AGBL1: variants seen among roughly 807,000 people sequenced by gnomAD.
The protein encoded by AGBL1 is cytosolic carboxypeptidase 4.
Under a neutral mutation model 118.9 loss-of-function variants are expected in AGBL1, and 130 were observed. The observed-to-expected ratio is 1.09, with a 90% CI of 0.95 to 1.26. AGBL1 has a LOEUF of 1.26. Among genes scored for constraint, AGBL1 ranks in the 50% most tolerant of loss-of-function variants. AGBL1 has a pLI of 0.00. For missense variants in AGBL1, 1,584 were observed against 1,298.1 expected, an observed-to-expected ratio of 1.22 and a Z score of -3.38; for synonymous variants, 555 against 478.9, an observed-to-expected ratio of 1.16 and a Z score of -2.08.
rs374500486 is a variant in AGBL1, at chr15:86,356,268, C to T, written c.2375-41098C>T. ...GGCTTAGAGTTAACCCAGAGAAAGGCCTAAGACTTTATTGTAAGTAGAATA... is the reference window on the plus strand; with the variant it reads ...GGCTTAGAGTTAACCCAGAGAAAGGTCTAAGACTTTATTGTAAGTAGAATA... On this transcript the variant is annotated intron_variant, in intron 17 of 22. Transcript: ENST00000614907. Among the ~76,000 whole-genome samples the T allele has an allele frequency of 1.7e-4, 26 of 151,848 alleles. No homozygotes were observed. The South Asian group carries it at 4.6e-3, about 27-fold the overall frequency.
At chr15:86,919,848 G>C (rs978868038), downstream of AGBL1, among the ~76,000 whole-genome samples, 1 of 152,204 alleles carries the variant, frequency 6.6e-6, no homozygotes, top group Admixed American at 6.5e-5. Context: ...AGCACTCACA[G>C]TGTCTGGAGT....
At chr15:86,646,805 CAT>C (rs752849344) in intron 21 of AGBL1, among the ~76,000 whole-genome samples, 1 of 152,156 alleles carries the variant, frequency 6.6e-6, no homozygotes, top group Non-Finnish European at 1.5e-5. Flanking sequence ...TCTGCCTTCA[CAT>C]GTGTTTGATA....
chr15:86,830,828 T>C (rs2079095038), intron 22 of AGBL1, among the ~76,000 whole-genome samples: 1 of 152,054 alleles, frequency 6.6e-6, no homozygotes, highest in Non-Finnish European at 1.5e-5. Context: ...CCACTAAGAG[T>C]ACTTATAAAA....
At chr15:86,858,504 G>A (rs2079517665) in intron 22 of AGBL1, among the ~76,000 whole-genome samples, 1 of 151,156 alleles carries the variant, frequency 6.6e-6, no homozygotes, top group South Asian at 2.1e-4. Context: ...GTGTAAGGGA[G>A]CAGGAGACTG....
intron 19 of AGBL1, among the ~76,000 whole-genome samples, chr15:86,532,796 A>G (rs1227263621): frequency 1.7e-5 from 2 of 117,728 alleles, no homozygotes; most frequent in Non-Finnish European, 3.5e-5. Flanking sequence ...GAGCCCTCAG[A>G]AATAACGCCG....
At chr15:86,534,112 T>TAAAAAAAAA (rs61563504) in intron 19 of AGBL1, among the ~76,000 whole-genome samples, 1 of 96,520 alleles carries the variant, frequency 1.0e-5, no homozygotes, top group Non-Finnish European at 2.1e-5. Context: ...TAAAGTATAA[T>TAAAAAAAAA]AAAAAAAAAA....
intron 18 of AGBL1, among the ~76,000 whole-genome samples, chr15:86,503,540 G>T (rs2082940383): frequency 6.6e-6 from 1 of 150,576 alleles, no homozygotes; most frequent in African/African-American, 2.4e-5. Flanking sequence ...TGATTGTTAT[G>T]TTTTAAAATA....
chr15:86,945,672 C>CA (rs1244585989), intron 23 of AGBL1, among the ~76,000 whole-genome samples: 2 of 152,038 alleles, frequency 1.3e-5, no homozygotes, highest in Non-Finnish European at 2.9e-5. Context: ...GACCCCATCT[C>CA]AAAAAAGAAA....
intron 18 of AGBL1, among the ~76,000 whole-genome samples, chr15:86,414,664 G>A (rs1216262043): frequency 6.6e-6 from 1 of 152,114 alleles, no homozygotes; most frequent in Non-Finnish European, 1.5e-5. Flanking sequence ...TCTCCAAGAT[G>A]GGAAAAAATA....
chr15:86,499,969 G>A lies in AGBL1; in HGVS notation c.2556-22841G>A, dbSNP rs139478412. ...GGAAGTCACCTGTGAATACCTAGCA[G>A]CTTTACAGGTGTGACTCTCTTGGTT... On this transcript the variant is annotated intron_variant, in intron 18 of 22. Transcript: ENST00000614907. Among the ~76,000 whole-genome samples, 336 of 151,932 alleles carry A rather than the reference G, an allele frequency of 2.2e-3. 5 individuals are homozygous for A. Among genetic ancestry groups the A allele is most frequent in the African/African-American group, 7.7e-3 (319 of 41,522 alleles).
chr15:86,380,247 C>CCTG (rs879779744), intron 17 of AGBL1, among the ~76,000 whole-genome samples: 31,968 of 100,866 alleles, frequency 0.32, 4,199 homozygotes, highest in East Asian at 0.7. Context: ...CTGCCTGCCT[C>CCTG]CCTCCCTCCC....
chr15:86,682,416 A>G (rs1466419245), intron 22 of AGBL1, among the ~76,000 whole-genome samples: 1 of 152,222 alleles, frequency 6.6e-6, no homozygotes, highest in Non-Finnish European at 1.5e-5. Flanking sequence ...TTCTTCTATA[A>G]TAGATAAATT....
At chr15:86,858,171 C>T (rs936524818) in intron 22 of AGBL1, among the ~76,000 whole-genome samples, 5 of 152,050 alleles carry the variant, frequency 3.3e-5, no homozygotes, top group Non-Finnish European at 7.4e-5. Context: ...TGGAGGGGGA[C>T]ATGTTCAGTG....
chr15:86,809,815 C>T (rs923428742), intron 22 of AGBL1, among the ~76,000 whole-genome samples: 1 of 152,094 alleles, frequency 6.6e-6, no homozygotes, highest in East Asian at 1.9e-4. Flanking sequence ...TTCAGGCCAT[C>T]CAGGAAAGAT....
chr15:86,154,088 A>G (rs2141688965), intron 3 of AGBL1, among the ~76,000 whole-genome samples: 1 of 152,310 alleles, frequency 6.6e-6, no homozygotes, highest in East Asian at 1.9e-4. Flanking sequence ...AATTATATTA[A>G]TATTAAGAAT....
chr15:86,098,565 A>G lies in AGBL1; in HGVS notation c.51+18542A>G, dbSNP rs142289401. ...GCTTTCCCACCACCATTTGTTGAAA[A>G]GGATGTCCTTTCCCCAGTGTATGTT... On this transcript the variant is annotated intron_variant, in intron 1 of 22. Coordinates refer to ENST00000614907, the MANE Select transcript of AGBL1 (RefSeq NM_001386094.1). 2.9e-3 allele frequency among the ~76,000 whole-genome samples: 441 copies of G among 152,258 alleles called. 1 individual carries two copies. Among genetic ancestry groups the G allele is most frequent in the African/African-American group, 0.01 (422 of 41,552 alleles).
chr15:86,451,367 G>A (rs4887233), intron 18 of AGBL1, among the ~76,000 whole-genome samples: 100,506 of 152,142 alleles, frequency 0.66, 34,940 homozygotes, highest in East Asian at 0.87. Context: ...CTTGTTCTTT[G>A]CATTCTTATA....
chr15:86,534,501 G>T (rs2083396610), intron 19 of AGBL1, among the ~76,000 whole-genome samples: 1 of 152,182 alleles, frequency 6.6e-6, no homozygotes, highest in Non-Finnish European at 1.5e-5. Context: ...CAAAGGAAAA[G>T]AAGCTTCTCA....
chr15:86,483,989 G>A (rs558577846), intron 18 of AGBL1, among the ~76,000 whole-genome samples: 1 of 152,214 alleles, frequency 6.6e-6, no homozygotes, highest in African/African-American at 2.4e-5. Context: ...GTTCAAGTTT[G>A]AAGGACATTT....
Sources: gnomAD v4.1 joint callset for allele counts (sites outside exome capture counted in the v4.1 genomes callset) on GRCh38, gnomAD v4.1.1 for gene constraint, MANE v1.5 for transcripts, NCBI Gene and HGNC (gene_info 2026-07-23, HGNC 2026-07-21) for gene names.